PARM1: variants seen among roughly 807,000 people sequenced by gnomAD.
The protein encoded by PARM1 is WSC4, cell wall integrity and stress response component 4 homolog.
In PARM1, 14 loss-of-function variants were observed where a neutral mutation model predicts 24.6. That is an observed-to-expected ratio of 0.57 (90% CI 0.38 to 0.89). The LOEUF is 0.89. Among genes scored for constraint, PARM1 ranks in the 40% least tolerant of loss-of-function variants. The pLI is 0.00. For missense variants in PARM1, 362 were observed against 380.4 expected, an observed-to-expected ratio of 0.95 and a Z score of 0.40; for synonymous variants, 179 against 156.6, an observed-to-expected ratio of 1.14 and a Z score of -1.07.
rs574056123 is a variant in PARM1, at chr4:75,017,652, C to T, written c.769+4502C>T. On this transcript the variant is annotated intron_variant, in intron 2 of 3. Coordinates refer to ENST00000307428, the MANE Select transcript of PARM1 (RefSeq NM_015393.4). The stretch of plus-strand genomic sequence containing the variant: ...TCTGATTTATTTGATAAGTTAGTGT[C>T]TGTTTTCTGCCACTAGACAGAGTCA... Among the ~76,000 whole-genome samples, 258 of 152,262 alleles carry T rather than the reference C, an allele frequency of 1.7e-3. 1 individual carries two copies. The highest frequency in any genetic ancestry group is 6.0e-3 in the African/African-American group (251 of 41,544).
At chr4:75,007,954 C>G (rs2109791235) in intron 1 of PARM1, among the ~76,000 whole-genome samples, 1 of 152,330 alleles carries the variant, frequency 6.6e-6, no homozygotes, top group Admixed American at 6.5e-5. Context: ...TGATCTTGAG[C>G]TTCCTAGCCT....
At chr4:75,023,850 T>C (rs923345193) in intron 2 of PARM1, among the ~76,000 whole-genome samples, 1 of 152,228 alleles carries the variant, frequency 6.6e-6, no homozygotes, top group African/African-American at 2.4e-5. Context: ...AGTTGAGACC[T>C]AGAAGTTGTA....
At chr4:74,957,550 G>T (rs1479906078) in intron 1 of PARM1, among the ~76,000 whole-genome samples, 3 of 152,076 alleles carry the variant, frequency 2.0e-5, no homozygotes, top group Non-Finnish European at 2.9e-5. Context: ...AGAGGTTTTT[G>T]TTCTTTTTAA....
chr4:75,033,558 GCAA>G (rs779453729), intron 2 of PARM1, among the ~76,000 whole-genome samples: 43 of 152,196 alleles, frequency 2.8e-4, no homozygotes, highest in Middle Eastern at 3.4e-3. Context: ...AACAGCAGCA[GCAA>G]CAACAACAGA....
At chr4:74,992,515 A>G (rs540341656) in intron 1 of PARM1, among the ~76,000 whole-genome samples, 1 of 152,196 alleles carries the variant, frequency 6.6e-6, no homozygotes, top group South Asian at 2.1e-4. Context: ...AATAAAAGAA[A>G]CATGAAGAAA....
chr4:74,961,790 A>G (rs138421689), intron 1 of PARM1, among the ~76,000 whole-genome samples: 37 of 152,322 alleles, frequency 2.4e-4, no homozygotes, highest in African/African-American at 7.9e-4. Flanking sequence ...GTATGTTACC[A>G]CTAGACCTGC....
intron 2 of PARM1, among the ~76,000 whole-genome samples, chr4:75,022,838 T>A (rs1723113239): frequency 6.6e-6 from 1 of 152,164 alleles, no homozygotes. Flanking sequence ...ATCATCTTTA[T>A]CAGAAAGGTT....
intron 1 of PARM1, among the ~76,000 whole-genome samples, chr4:74,936,368 T>G (rs1265809475): frequency 6.6e-6 from 1 of 152,106 alleles, no homozygotes; most frequent in Non-Finnish European, 1.5e-5. Context: ...AGCTTCCACA[T>G]TTATCCCTCT....
At chr4:74,941,405 C>T (rs906732330) in intron 1 of PARM1, among the ~76,000 whole-genome samples, 7 of 152,004 alleles carry the variant, frequency 4.6e-5, no homozygotes, top group African/African-American at 1.5e-4. Context: ...GCAAAAATTA[C>T]GGAGGAGAAG....
intron 1 of PARM1, among the ~76,000 whole-genome samples, chr4:74,951,296 A>G (rs1721517176): frequency 1.3e-5 from 2 of 152,232 alleles, no homozygotes; most frequent in Non-Finnish European, 2.9e-5. Context: ...CGCCTGCAGT[A>G]AAGTCAGGAA....
intron 1 of PARM1, among the ~76,000 whole-genome samples, chr4:74,948,508 C>T (rs1257401839): frequency 6.6e-6 from 1 of 152,174 alleles, no homozygotes; most frequent in African/African-American, 2.4e-5. Flanking sequence ...TAGAAAAGCA[C>T]AGGCACCAGG....
At chr4:74,983,785 C>T (rs1722303069) in intron 1 of PARM1, among the ~76,000 whole-genome samples, 1 of 152,170 alleles carries the variant, frequency 6.6e-6, no homozygotes, top group Non-Finnish European at 1.5e-5. Flanking sequence ...CACCCCTTCA[C>T]CTTCCAGTTT....
chr4:74,952,246 G>A (rs1228725037), intron 1 of PARM1, among the ~76,000 whole-genome samples: 3 of 152,146 alleles, frequency 2.0e-5, no homozygotes, highest in Admixed American at 6.5e-5. Flanking sequence ...CTTTTGAGCA[G>A]TGTCTGTTCA....
intron 2 of PARM1, among the ~76,000 whole-genome samples, chr4:75,020,009 C>CAAAAAAAAAAA (rs1161399344): frequency 3.2e-5 from 1 of 31,102 alleles, no homozygotes; most frequent in African/African-American, 5.4e-5. Context: ...GACTCCGTCT[C>CAAAAAAAAAAA]AAAAAAAAAA....
At position 75,019,227 on chromosome 4, in the gene PARM1, A is replaced by C. The variant is rs557167173; in HGVS notation, c.769+6077A>C. On this transcript the variant is annotated intron_variant, in intron 2 of 3. Transcript: ENST00000307428. Reference sequence around the variant, plus strand: ...AAACTATGACTACAGTGTGTGTTTGACTCCCTGAACAACATTGAATGGTGC... The same window carrying C: ...AAACTATGACTACAGTGTGTGTTTGCCTCCCTGAACAACATTGAATGGTGC... 1.8e-4 allele frequency among the ~76,000 whole-genome samples: 28 copies of C among 152,230 alleles called. 2 individuals are homozygous for C. In the South Asian group the frequency reaches 5.4e-3, roughly 29 times the overall value.
At chr4:75,040,866 C>T (rs1188347882) in intron 3 of PARM1, among the ~76,000 whole-genome samples, 6 of 152,154 alleles carry the variant, frequency 3.9e-5, no homozygotes, top group South Asian at 4.1e-4. Flanking sequence ...TCTGTCTACA[C>T]GGTATCCCTC....
At chr4:75,002,066 A>G (rs1015011158) in intron 1 of PARM1, among the ~76,000 whole-genome samples, 1 of 152,250 alleles carries the variant, frequency 6.6e-6, no homozygotes, top group Non-Finnish European at 1.5e-5. Flanking sequence ...GCAAAGTGCC[A>G]TGGAGCTGAC....
At position 74,979,225 on chromosome 4, in the gene PARM1, T is replaced by C. The variant is rs928018912; in HGVS notation, c.44-33200T>C. ...AAAAATATTAAAATAGACCACTAGC[T>C]AGACTAATAAAGAAGAACAAGAATC... is the stretch of plus-strand genomic sequence containing the variant. On this transcript the variant is annotated intron_variant, in intron 1 of 3. Transcript: ENST00000307428. 1.3e-5 allele frequency among the ~76,000 whole-genome samples: 2 copies of C among 151,580 alleles called. 1 individual carries two copies. The highest frequency in any genetic ancestry group is 4.2e-4 in the South Asian group (2 of 4,802).
At chr4:74,989,439 C>T (rs1027935443) in intron 1 of PARM1, among the ~76,000 whole-genome samples, 3 of 152,174 alleles carry the variant, frequency 2.0e-5, no homozygotes, top group African/African-American at 7.2e-5. Flanking sequence ...ACAAAGGATA[C>T]AGATGAACAG....
Sources: gnomAD v4.1 joint callset for allele counts (sites outside exome capture counted in the v4.1 genomes callset) on GRCh38, gnomAD v4.1.1 for gene constraint, MANE v1.5 for transcripts, NCBI Gene and HGNC (gene_info 2026-07-23, HGNC 2026-07-21) for gene names.